Variants in TUB observed in about 807,000 individuals in gnomAD.
TUB encodes tubby protein homolog.
Under a neutral mutation model 59.7 loss-of-function variants are expected in TUB, and 33 were observed. The ratio of observed to expected loss-of-function variants is 0.55; its 90% CI spans 0.42 to 0.74. TUB has a LOEUF of 0.74. Among genes scored for constraint, TUB ranks in the 30% least tolerant of loss-of-function variants. The probability of loss-of-function intolerance (pLI) is 0.00; values close to 1 mark genes in which losing one functional copy is unlikely to be tolerated. For synonymous variants in TUB, 293 were observed against 256.4 expected, an observed-to-expected ratio of 1.14 and a Z score of -1.36; for missense variants, 659 against 672.0, an observed-to-expected ratio of 0.98 and a Z score of 0.21.
upstream of TUB, among the ~76,000 whole-genome samples, chr11:8,034,997 G>A (rs369919108): frequency 1.3e-5 from 2 of 152,328 alleles, no homozygotes. Context: ...CCGGCTCCTT[G>A]TCGCATGATG....
Position 8,096,675 on chromosome 11 carries a change from C to T in TUB, c.566-10C>T, listed in dbSNP as rs748669079. ...CTCCTTCATCCCTTCTTCTTCTCTC[C>T]TTGGCCCAGGCATCTCCAGCAGCAT... On this transcript the variant is annotated splice_polypyrimidine_tract_variant and intron_variant, in intron 5 of 11. Coordinates refer to ENST00000299506, the MANE Select transcript of TUB (RefSeq NM_177972.3). 1.3e-6 allele frequency: 2 copies of T among 1,569,344 alleles called. No homozygotes were observed. The highest frequency in any genetic ancestry group is 1.7e-4 in the Middle Eastern group (1 of 5,986).
chr11:8,099,111 GCT>G (rs1419212498), intron 9 of TUB, among the ~76,000 whole-genome samples: 1 of 151,944 alleles, frequency 6.6e-6, no homozygotes, highest in East Asian at 1.9e-4. Flanking sequence ...ACCAGGCCTG[GCT>G]CTCTGCAGTC....
chr11:8,040,616 T>G (rs1004892308), intron 2 of TUB, among the ~76,000 whole-genome samples: 11 of 152,124 alleles, frequency 7.2e-5, no homozygotes, highest in Admixed American at 4.6e-4. Context: ...CCAGGTTGAC[T>G]TTTTAGCCTA....
intron 7 of TUB, 101 bp from the exon 8 acceptor site, chr11:8,097,613 T>C (rs1297670616): frequency 2.3e-6 from 3 of 1,307,058 alleles, no homozygotes; most frequent in Non-Finnish European, 2.2e-6. Flanking sequence ...ATATGTGCGT[T>C]TGGGAGCTGA....
At chr11:8,084,078 G>A (rs1191552319) in intron 1 of TUB, among the ~76,000 whole-genome samples, 2 of 152,196 alleles carry the variant, frequency 1.3e-5, no homozygotes, top group African/African-American at 2.4e-5. Context: ...TGCTTTGACT[G>A]GTGTGAGGTT....
chr11:8,093,921 CA>C, intron 3 of TUB, 124 bp from the exon 4 acceptor site: 1 of 1,105,542 alleles, frequency 9.0e-7, no homozygotes, highest in Non-Finnish European at 1.3e-6. Flanking sequence ...AGAAGTGGTA[CA>C]GGGGCCCTGG....
In TUB at chr11:8,101,858, C is replaced by CGACCA; in HGVS notation, c.*239_*240insGACCA. On this transcript the variant is annotated 3_prime_UTR_variant, in exon 12 of 12. Coordinates refer to ENST00000299506, the MANE Select transcript of TUB (RefSeq NM_177972.3). Reference sequence around the variant, plus strand: ...GGGATGAGAATAATTCTTTCCATGCCACGAGATCAACACACACTCCCACCC... The same window carrying CGACCA: ...GGGATGAGAATAATTCTTTCCATGCCGACCAACGAGATCAACACACACTCCCACCC... 6.3e-6 allele frequency: 3 copies of CGACCA among 479,312 alleles called. No individual in the cohort carries two copies. The highest frequency in any genetic ancestry group is 3.7e-5 in the South Asian group (1 of 27,010). 29.7% of individuals were successfully genotyped at this position (479,312 alleles called of 1,614,324 possible). A position where few individuals can be genotyped will look rare whatever the true frequency, so the allele number is the denominator to read the frequency against.
intron 1 of TUB, among the ~76,000 whole-genome samples, chr11:8,020,285 A>G (rs927330995): frequency 6.6e-6 from 1 of 151,984 alleles, no homozygotes; most frequent in Non-Finnish European, 1.5e-5. Context: ...GGGCTGGAAG[A>G]CAAACTTCAT....
chr11:8,025,517 A>C (rs904309628), intron 1 of TUB, among the ~76,000 whole-genome samples: 1 of 152,196 alleles, frequency 6.6e-6, no homozygotes, highest in Non-Finnish European at 1.5e-5. Flanking sequence ...CACTCCACCC[A>C]TCCTCAGGGA....
intron 2 of TUB, among the ~76,000 whole-genome samples, chr11:8,069,583 G>A (rs1037345471): frequency 9.2e-5 from 14 of 152,050 alleles, no homozygotes; most frequent in African/African-American, 1.9e-4. Context: ...CTCATTAGCC[G>A]TCATCAGAAA....
At chr11:8,055,291 C>T (rs1324985693) in intron 2 of TUB, among the ~76,000 whole-genome samples, 5 of 152,114 alleles carry the variant, frequency 3.3e-5, no homozygotes, top group African/African-American at 9.7e-5. Flanking sequence ...AAGTGGGTGG[C>T]GCATACCTCA....
Position 8,100,814 on chromosome 11 carries a change from C to T in TUB, c.1216-12C>T, listed in dbSNP as rs1944260353. On this transcript the variant is annotated splice_polypyrimidine_tract_variant and intron_variant, in intron 10 of 11. Transcript: ENST00000299506. ...AGGCCTGGGCCTGGCTCAGGTGAGG[C>T]TGCCCTCCCAGGAGCATGAGACACT... The T allele has an allele frequency of 3.1e-6, 5 of 1,612,966 alleles. No homozygotes were observed. The highest frequency in any genetic ancestry group is 2.7e-5 in the African/African-American group (2 of 74,912).
rs542050465 is a variant in TUB, at chr11:8,090,621, A to G, written c.253+390A>G. Among the ~76,000 whole-genome samples, 3 of 152,318 alleles carry G rather than the reference A, an allele frequency of 2.0e-5. No individual in the cohort carries two copies. In the East Asian group the frequency reaches 5.8e-4, roughly 29 times the overall value. On this transcript the variant is annotated intron_variant, in intron 3 of 11. Transcript: ENST00000299506. ...CTCACTGTCCTGCCCCATATCAACCAGTGTCTCAGTACAAACACCTTTTTC... is the reference window on the plus strand; with the variant it reads ...CTCACTGTCCTGCCCCATATCAACCGGTGTCTCAGTACAAACACCTTTTTC...
intron 2 of TUB, among the ~76,000 whole-genome samples, chr11:8,046,480 T>C (rs1219992675): frequency 3.9e-5 from 6 of 152,148 alleles, no homozygotes; most frequent in Admixed American, 3.3e-4. Context: ...CTATTTCCTA[T>C]CTCCTGGGGG....
At chr11:8,095,866 C>A (rs923811905) in intron 5 of TUB, among the ~76,000 whole-genome samples, 2 of 152,372 alleles carry the variant, frequency 1.3e-5, no homozygotes, top group East Asian at 3.9e-4. Context: ...GATTTGGGGG[C>A]AGATTTCCTT....
upstream of TUB, chr11:8,038,595 A>G: frequency 8.7e-7 from 1 of 1,147,018 alleles, no homozygotes; most frequent in Non-Finnish European, 1.1e-6. Flanking sequence ...CATGGAAACC[A>G]GCAATTGGGT....
intron 2 of TUB, among the ~76,000 whole-genome samples, chr11:8,040,741 C>G (rs934954407): frequency 6.6e-6 from 1 of 152,070 alleles, no homozygotes; most frequent in African/African-American, 2.4e-5. Context: ...AGTAGTGAAC[C>G]CCAGAGGGAT....
At chr11:8,082,372 G>A (rs76620334) in intron 1 of TUB, among the ~76,000 whole-genome samples, 2 of 152,280 alleles carry the variant, frequency 1.3e-5, no homozygotes, top group South Asian at 2.1e-4. Flanking sequence ...GGAAGGGGGC[G>A]GGGAGGTGGT....
chr11:8,070,948 G>T (rs560890431), intron 2 of TUB, among the ~76,000 whole-genome samples: 154 of 152,322 alleles, frequency 1.0e-3, no homozygotes, highest in African/African-American at 3.7e-3. Context: ...AGAACAGACT[G>T]CAGGGGGGCT....
Sources: gnomAD v4.1 joint callset for allele counts (sites outside exome capture counted in the v4.1 genomes callset) on GRCh38, gnomAD v4.1.1 for gene constraint, MANE v1.5 for transcripts, NCBI Gene and HGNC (gene_info 2026-07-23, HGNC 2026-07-21) for gene names.